LHCGR: variants seen among roughly 807,000 people sequenced by gnomAD.
LHCGR encodes luteinizing hormone/choriogonadotropin receptor, also known as lutropin-choriogonadotropic hormone receptor.
Under a neutral mutation model 60.7 loss-of-function variants are expected in LHCGR, and 55 were observed. The observed-to-expected ratio is 0.91, with a 90% CI of 0.73 to 1.13. The LOEUF is 1.13. LHCGR is among the 50% of genes most tolerant of loss of function. The pLI, the probability that LHCGR is intolerant of heterozygous loss-of-function variation, is 0.00. For missense variants in LHCGR, 862 were observed against 836.0 expected, an observed-to-expected ratio of 1.03 and a Z score of -0.38; for synonymous variants, 337 against 316.5, an observed-to-expected ratio of 1.06 and a Z score of -0.69.
chr2:48,736,452 C>G (rs1669211336), intron 1 of LHCGR, among the ~76,000 whole-genome samples: 1 of 152,208 alleles, frequency 6.6e-6, no homozygotes, highest in Non-Finnish European at 1.5e-5. Flanking sequence ...GGAAAATTTA[C>G]AGCATCCAGA....
At chr2:48,745,643 C>T (rs1669664945) in intron 1 of LHCGR, among the ~76,000 whole-genome samples, 1 of 134,460 alleles carries the variant, frequency 7.4e-6, no homozygotes, top group South Asian at 2.3e-4. Flanking sequence ...GGGAATTGAA[C>T]AGTGAGAACA....
intron 2 of LHCGR, 51 bp from the exon 3 acceptor site, chr2:48,729,278 C>G (rs6759468): frequency 7.3e-7 from 1 of 1,371,070 alleles, no homozygotes; most frequent in South Asian, 1.2e-5. Flanking sequence ...AAGAAATGAC[C>G]GTGTCTGCAT....
At chr2:48,717,833 C>CTTTTTTTTTTTTTT (rs10711529) in intron 6 of LHCGR, among the ~76,000 whole-genome samples, 1 of 68,988 alleles carries the variant, frequency 1.4e-5, no homozygotes, top group Non-Finnish European at 2.7e-5. Context: ...TTTTCCATGT[C>CTTTTTTTTTTTTTT]TTTTTTTTTT....
chr2:48,701,476 C>T (rs1263312229), intron 8 of LHCGR, among the ~76,000 whole-genome samples: 1 of 152,126 alleles, frequency 6.6e-6, no homozygotes. Flanking sequence ...TGCTGTTCCC[C>T]CTCCTGGAAC....
rs930387164 is a variant in LHCGR at position 48,739,978 on chromosome 2, G to A, written c.162-8680C>T. On this transcript the variant is annotated intron_variant, in intron 1 of 10. Transcript: ENST00000294954. ...CCAGACAGTGGGCGCAGGTCAGTGG[G>A]TGCGTGCACCATGCGCGAGCTGAAG... Among the ~76,000 whole-genome samples, 8 of 152,320 alleles carry A rather than the reference G, an allele frequency of 5.3e-5. No homozygotes were observed. In the South Asian group the frequency reaches 8.3e-4, roughly 16 times the overall value.
chr2:48,732,759 A>C (rs1254918340), intron 1 of LHCGR: 1 of 468,864 alleles, frequency 2.1e-6, no homozygotes, highest in African/African-American at 2.0e-5. Flanking sequence ...AAAGCGGTTT[A>C]CCAGCCGTTC....
intron 7 of LHCGR, among the ~76,000 whole-genome samples, chr2:48,712,875 T>C (rs1342612299): frequency 6.6e-6 from 1 of 152,150 alleles, no homozygotes; most frequent in Non-Finnish European, 1.5e-5. Flanking sequence ...GACTGGAGTT[T>C]GAGTCCCACT....
chr2:48,734,403 A>G (rs1393387710), intron 1 of LHCGR, among the ~76,000 whole-genome samples: 11 of 152,238 alleles, frequency 7.2e-5, no homozygotes, highest in Admixed American at 7.2e-4. Flanking sequence ...TAAAATAAAT[A>G]ACTAAAAACA....
chr2:48,736,702 A>C (rs1669219639), intron 1 of LHCGR, among the ~76,000 whole-genome samples: 2 of 152,166 alleles, frequency 1.3e-5, no homozygotes, highest in South Asian at 4.1e-4. Flanking sequence ...CCCCTTTAAG[A>C]AAATAGAAGA....
chr2:48,695,136 A>G (rs1474614054), intron 9 of LHCGR, among the ~76,000 whole-genome samples: 1 of 151,898 alleles, frequency 6.6e-6, no homozygotes, highest in Non-Finnish European at 1.5e-5. Context: ...TTTTAATGGG[A>G]TTATTTATTT....
chr2:48,694,186 G>T, intron 10 of LHCGR, 38 bp downstream of exon 10: 1 of 1,185,634 alleles, frequency 8.4e-7, no homozygotes, highest in Non-Finnish European at 1.2e-6. Context: ...CACAGAACAA[G>T]ATACGACTTC....
intron 6 of LHCGR, among the ~76,000 whole-genome samples, chr2:48,719,830 A>T (rs1668423214): frequency 1.3e-5 from 2 of 152,170 alleles, no homozygotes; most frequent in African/African-American, 4.8e-5. Flanking sequence ...TGCTTTCATT[A>T]TTTTCTAATT....
At position 48,693,788 on chromosome 2, in the gene LHCGR, G is replaced by A. The variant is rs933749294; in HGVS notation, c.947+436C>T. Among the ~76,000 whole-genome samples, 2 of 152,180 alleles carry A rather than the reference G, an allele frequency of 1.3e-5. 1 individual carries two copies. Among genetic ancestry groups the A allele is most frequent in the African/African-American group, 4.8e-5 (2 of 41,446 alleles). On this transcript the variant is annotated intron_variant, in intron 10 of 10. Coordinates refer to ENST00000294954, the MANE Select transcript of LHCGR (RefSeq NM_000233.4). ...GCATTAAGACTCATTTTAAGCTCAG[G>A]AGCATAGTTGTCGAGGTAGCCTAAG...
chr2:48,716,222 AC>A (rs1160630678), intron 6 of LHCGR, among the ~76,000 whole-genome samples: 1 of 152,232 alleles, frequency 6.6e-6, no homozygotes, highest in African/African-American at 2.4e-5. Flanking sequence ...CTTGGCAGAT[AC>A]AAGGAGCTTA....
intron 1 of LHCGR, chr2:48,732,900 CAAG>C: frequency 1.9e-6 from 1 of 534,478 alleles, no homozygotes; most frequent in Non-Finnish European, 3.8e-6. Flanking sequence ...AAGGCATTCC[CAAG>C]AAGGACATCG....
chr2:48,747,847 G>C (rs1572895907), intron 1 of LHCGR, among the ~76,000 whole-genome samples: 1 of 152,154 alleles, frequency 6.6e-6, no homozygotes, highest in Non-Finnish European at 1.5e-5. Context: ...CCCCACCCAA[G>C]GTTTCCAGGT....
chr2:48,748,048 T>C (rs1669790835), intron 1 of LHCGR, among the ~76,000 whole-genome samples: 1 of 152,146 alleles, frequency 6.6e-6, no homozygotes, highest in Non-Finnish European at 1.5e-5. Flanking sequence ...CAGAGGAAGT[T>C]CAAATGACAC....
intron 3 of LHCGR, among the ~76,000 whole-genome samples, chr2:48,726,197 T>C (rs909573340): frequency 6.6e-6 from 1 of 152,120 alleles, no homozygotes; most frequent in Admixed American, 6.5e-5. Flanking sequence ...GGCAATCACA[T>C]GAGCAGTTAT....
At chr2:48,708,919 G>A in intron 8 of LHCGR, 29 bp downstream of exon 8, 1 of 1,586,514 alleles carries the variant, frequency 6.3e-7, no homozygotes, top group Non-Finnish European at 8.7e-7. Flanking sequence ...ACACTGGGCA[G>A]GGAGGGGAGG....
Sources: gnomAD v4.1 joint callset for allele counts (sites outside exome capture counted in the v4.1 genomes callset) on GRCh38, gnomAD v4.1.1 for gene constraint, MANE v1.5 for transcripts, NCBI Gene and HGNC (gene_info 2026-07-23, HGNC 2026-07-21) for gene names.